The following CHODL variants were observed in gnomAD, a reference collection of about 807,000 sequenced individuals.
The protein encoded by CHODL is transmembrane protein MT75.
A neutral mutation model predicts 34.5 loss-of-function variants in CHODL; 29 were observed. The observed-to-expected ratio is 0.84, with a 90% CI of 0.63 to 1.15. The LOEUF (loss-of-function observed/expected upper bound fraction) is 1.15. CHODL is among the 50% of genes most tolerant of loss of function. The probability of loss-of-function intolerance (pLI) is 0.00; values close to 1 mark genes in which losing one functional copy is unlikely to be tolerated. For synonymous variants in CHODL, 125 were observed against 116.1 expected (o/e 1.08, Z -0.49); for missense variants, 332 against 332.5 (o/e 1.00, Z 0.01).
In CHODL at chr21:18,067,346, T is replaced by A. The variant is rs1361555577; in HGVS notation, c.-45+39375T>A. 2.6e-5 allele frequency among the ~76,000 whole-genome samples: 4 copies of A among 152,184 alleles called. No individual in the cohort carries two copies. The East Asian group carries it at 7.7e-4, about 29-fold the overall frequency. Reference sequence around the variant, plus strand: ...GTTAAGATGAAGTCATTAGTGTGAGTGTTCATCCAATATGACTGGTTTCCT... The same window carrying A: ...GTTAAGATGAAGTCATTAGTGTGAGAGTTCATCCAATATGACTGGTTTCCT... On this transcript the variant is annotated intron_variant, in intron 2 of 6. Transcript: ENST00000400127.
At chr21:18,184,884 T>A (rs1474470086) in intron 2 of CHODL, among the ~76,000 whole-genome samples, 4 of 152,176 alleles carry the variant, frequency 2.6e-5, no homozygotes, top group East Asian at 1.9e-4. Flanking sequence ...TCTTCGTTAT[T>A]TATGGAAACT....
intron 2 of CHODL, among the ~76,000 whole-genome samples, chr21:18,159,746 T>C (rs2073074892): frequency 6.6e-6 from 1 of 152,104 alleles, no homozygotes; most frequent in Non-Finnish European, 1.5e-5. Context: ...AATCTAACCA[T>C]GTGAGTCCTT....
chr21:18,008,361 A>G (rs1047435353), intron 1 of CHODL, among the ~76,000 whole-genome samples: 3 of 151,888 alleles, frequency 2.0e-5, no homozygotes, highest in Non-Finnish European at 2.9e-5. Flanking sequence ...CATTAAATCT[A>G]CCCTCTTAAC....
At chr21:18,206,663 G>A (rs1458038831) in intron 2 of CHODL, among the ~76,000 whole-genome samples, 4 of 150,518 alleles carry the variant, frequency 2.7e-5, no homozygotes, top group African/African-American at 7.3e-5. Context: ...TGTTATTATT[G>A]ATAAGTGAGA....
chr21:18,037,494 T>C (rs897154351), intron 2 of CHODL, among the ~76,000 whole-genome samples: 1 of 151,878 alleles, frequency 6.6e-6, no homozygotes, highest in Admixed American at 6.6e-5. Context: ...ACTATGAAGT[T>C]CTGGCCTCTA....
At chr21:17,941,536 C>T (rs1439240227) in intron 1 of CHODL, among the ~76,000 whole-genome samples, 1 of 148,308 alleles carries the variant, frequency 6.7e-6, no homozygotes, top group Admixed American at 6.8e-5. Context: ...ACAAAGGGAA[C>T]ATTGACTAGT....
chr21:18,101,365 C>T (rs1021855527), intron 2 of CHODL, among the ~76,000 whole-genome samples: 1 of 152,052 alleles, frequency 6.6e-6, no homozygotes, highest in African/African-American at 2.4e-5. Context: ...TGAAAATGGA[C>T]CAATACAAAT....
chr21:18,133,319 C>T (rs1305672463), intron 2 of CHODL, among the ~76,000 whole-genome samples: 1 of 152,104 alleles, frequency 6.6e-6, no homozygotes, highest in East Asian at 1.9e-4. Flanking sequence ...AATTATGTAA[C>T]TTAAGTGGTC....
intron 1 of CHODL, among the ~76,000 whole-genome samples, chr21:17,993,466 A>G (rs916292995): frequency 3.9e-5 from 6 of 152,078 alleles, no homozygotes; most frequent in Non-Finnish European, 8.8e-5. Context: ...GAGGACATGT[A>G]ATATTTGTTT....
intron 1 of CHODL, among the ~76,000 whole-genome samples, chr21:18,255,234 T>G (rs1484692578): frequency 2.0e-5 from 3 of 152,068 alleles, no homozygotes; most frequent in Admixed American, 2.0e-4. Flanking sequence ...TCTTTATTCC[T>G]GAAGAAATAT....
At chr21:17,925,757 A>G (rs1002818526) in intron 1 of CHODL, among the ~76,000 whole-genome samples, 3 of 152,212 alleles carry the variant, frequency 2.0e-5, no homozygotes, top group Non-Finnish European at 4.4e-5. Context: ...ATCCAGGACT[A>G]TAAGTGAGCC....
chr21:18,241,262 A>AC (rs397972293), upstream of CHODL, among the ~76,000 whole-genome samples: 2 of 151,786 alleles, frequency 1.3e-5, no homozygotes, highest in African/African-American at 4.8e-5. Flanking sequence ...AAAAAAAAAA[A>AC]CTTTTTGCCT....
chr21:18,142,936 A>C (rs575226249), intron 2 of CHODL, among the ~76,000 whole-genome samples: 1 of 152,186 alleles, frequency 6.6e-6, no homozygotes, highest in Non-Finnish European at 1.5e-5. Flanking sequence ...AGAGATAGAA[A>C]GCCCTAAGGT....
At chr21:17,992,346 C>T (rs1303044775) in intron 1 of CHODL, among the ~76,000 whole-genome samples, 1 of 152,070 alleles carries the variant, frequency 6.6e-6, no homozygotes, top group Non-Finnish European at 1.5e-5. Flanking sequence ...TCTATGAAGA[C>T]TATCATTGAT....
intron 1 of CHODL, among the ~76,000 whole-genome samples, chr21:18,014,055 G>A (rs917402183): frequency 2.6e-5 from 4 of 152,098 alleles, no homozygotes; most frequent in African/African-American, 7.2e-5. Context: ...GGCTTTGTGG[G>A]CACAAGCTGA....
At chr21:18,102,435 G>A (rs534512427) in intron 2 of CHODL, among the ~76,000 whole-genome samples, 41 of 152,308 alleles carry the variant, frequency 2.7e-4, no homozygotes, top group Non-Finnish European at 5.4e-4. Flanking sequence ...TCAACATCAT[G>A]AGGCAGGACT....
chr21:18,245,066 G>A lies in CHODL; in HGVS notation c.-158G>A, dbSNP rs1040193703. 3 of 582,128 alleles carry A rather than the reference G, an allele frequency of 5.2e-6. No individual in the cohort carries two copies. The highest frequency in any genetic ancestry group is 5.8e-5 in the South Asian group (2 of 34,528). 36.1% of individuals were successfully genotyped at this position (582,128 alleles called of 1,614,324 possible). ...GCGCGGCAGGCGGCAGGTCCCGGCC[G>A]AAGGCGATGCGCGCAGGGGGTCGGG... On this transcript the variant is annotated 5_prime_UTR_variant, in exon 1 of 6. Coordinates refer to ENST00000299295, the MANE Select transcript of CHODL (RefSeq NM_024944.3).
chr21:18,007,003 G>T (rs774932206), intron 1 of CHODL, among the ~76,000 whole-genome samples: 1 of 152,164 alleles, frequency 6.6e-6, no homozygotes, highest in African/African-American at 2.4e-5. Flanking sequence ...TTGGGGTTCA[G>T]TTGCATCATT....
intron 2 of CHODL, among the ~76,000 whole-genome samples, chr21:18,151,414 T>A (rs1432974965): frequency 6.6e-6 from 1 of 152,222 alleles, no homozygotes; most frequent in Non-Finnish European, 1.5e-5. Context: ...GAGCATGTCA[T>A]GCCCAGGGAA....
Sources: allele counts gnomAD v4.1 joint callset (sites outside exome capture counted in the v4.1 genomes callset), GRCh38; gene constraint gnomAD v4.1.1; transcripts MANE v1.5; gene names NCBI Gene and HGNC (gene_info 2026-07-23, HGNC 2026-07-21).